Variants in SPATA16 observed in about 807,000 individuals in gnomAD.
SPATA16 encodes the protein spermatogenesis associated 16, also known as spermatogenesis-associated protein 16.
In SPATA16, 36 loss-of-function variants were observed where a neutral mutation model predicts 63.3. The ratio of observed to expected loss-of-function variants is 0.57; its 90% confidence interval spans 0.44 to 0.75. The LOEUF (loss-of-function observed/expected upper bound fraction) is 0.75, where lower values mean the gene tolerates loss of function less well. SPATA16 is among the 30% of genes least tolerant of loss of function. The probability of loss-of-function intolerance (pLI) is 0.00; values close to 1 mark genes in which losing one functional copy is unlikely to be tolerated. For synonymous variants in SPATA16, 203 were observed against 216.7 expected (o/e 0.94, Z 0.56); for missense variants, 646 against 679.3 (o/e 0.95, Z 0.54).
At chr3:173,097,691 A>T (rs1042176373) in intron 2 of SPATA16, among the ~76,000 whole-genome samples, 4 of 152,204 alleles carry the variant, frequency 2.6e-5, no homozygotes, top group Non-Finnish European at 4.4e-5. Flanking sequence ...CACGTAAGGG[A>T]TGGCTACACA....
At chr3:172,892,807 A>C (rs949699621) in intron 10 of SPATA16, among the ~76,000 whole-genome samples, 1 of 152,254 alleles carries the variant, frequency 6.6e-6, no homozygotes, top group African/African-American at 2.4e-5. Flanking sequence ...TCTTTGGTAC[A>C]GAATCTACTT....
intron 4 of SPATA16, among the ~76,000 whole-genome samples, chr3:172,988,349 G>C (rs141297035): frequency 6.0e-4 from 92 of 152,320 alleles, no homozygotes; most frequent in Non-Finnish European, 9.6e-4. Flanking sequence ...GTAGAATCAG[G>C]TTTCCTTTTC....
chr3:173,052,225 G>C (rs1476541916), intron 2 of SPATA16, among the ~76,000 whole-genome samples: 3 of 152,122 alleles, frequency 2.0e-5, no homozygotes, highest in Non-Finnish European at 2.9e-5. Context: ...TAATAGTAAA[G>C]ACTGTCTATA....
chr3:173,112,392 G>A (rs1183344891), intron 2 of SPATA16, among the ~76,000 whole-genome samples: 1 of 152,168 alleles, frequency 6.6e-6, no homozygotes, highest in African/African-American at 2.4e-5. Context: ...CTGCAGGTCT[G>A]GCAAGATCTA....
intron 4 of SPATA16, among the ~76,000 whole-genome samples, chr3:172,993,367 A>G (rs1177051392): frequency 3.3e-5 from 5 of 152,142 alleles, no homozygotes; most frequent in South Asian, 2.1e-4. Context: ...GAAAGATGTA[A>G]GGGTTTCCTT....
intron 1 of SPATA16, among the ~76,000 whole-genome samples, chr3:173,128,476 C>T (rs963527199): frequency 6.6e-6 from 1 of 152,036 alleles, no homozygotes; most frequent in Non-Finnish European, 1.5e-5. Flanking sequence ...TCCCCTGAAG[C>T]CTTCTAGGTT....
intron 10 of SPATA16, among the ~76,000 whole-genome samples, chr3:172,896,146 C>G (rs1323144841): frequency 6.6e-6 from 1 of 152,050 alleles, no homozygotes; most frequent in Non-Finnish European, 1.5e-5. Context: ...CGTGCAGGGT[C>G]TGCCAAATAT....
At chr3:173,035,407 A>G (rs1169489197) in intron 3 of SPATA16, among the ~76,000 whole-genome samples, 1 of 152,098 alleles carries the variant, frequency 6.6e-6, no homozygotes, top group Non-Finnish European at 1.5e-5. Flanking sequence ...AAGGTAGAAA[A>G]TTCAAACTGG....
chr3:172,974,071 A>G lies in SPATA16; in HGVS notation c.933+2897T>C, dbSNP rs116285894. Among the ~76,000 whole-genome samples the G allele has an allele frequency of 3.7e-3, 568 of 152,304 alleles. 3 individuals carry two copies. The highest frequency in any genetic ancestry group is 6.3e-3 in the Non-Finnish European group (426 of 68,012). On this transcript the variant is annotated intron_variant, in intron 5 of 10. Transcript: ENST00000351008. ...CTTTCTTTTCCTTGCTGGGTTGATGATATGAAAAATGTTCCTAATGCAATT... is the reference window on the plus strand; with the variant it reads ...CTTTCTTTTCCTTGCTGGGTTGATGGTATGAAAAATGTTCCTAATGCAATT...
At chr3:173,065,131 A>G (rs577082616) in intron 2 of SPATA16, among the ~76,000 whole-genome samples, 2 of 152,330 alleles carry the variant, frequency 1.3e-5, no homozygotes, top group South Asian at 4.1e-4. Flanking sequence ...AGCTTGTGAT[A>G]TGCTTCATTG....
At chr3:172,943,096 G>A in intron 6 of SPATA16, among the ~76,000 whole-genome samples, 1 of 152,046 alleles carries the variant, frequency 6.6e-6, no homozygotes, top group East Asian at 1.9e-4. Context: ...ATTGACCCTA[G>A]AATTCAGTGA....
intron 4 of SPATA16, among the ~76,000 whole-genome samples, chr3:172,986,169 A>G (rs1577119435): frequency 6.6e-6 from 1 of 152,196 alleles, no homozygotes; most frequent in East Asian, 1.9e-4. Flanking sequence ...GGAATGAAGA[A>G]GATTGTCTTA....
chr3:173,010,596 G>A (rs535297096), intron 4 of SPATA16, among the ~76,000 whole-genome samples: 2 of 152,176 alleles, frequency 1.3e-5, no homozygotes, highest in African/African-American at 4.8e-5. Flanking sequence ...AAGTACTTTC[G>A]TGCCTCTAGC....
At chr3:173,010,010 C>T (rs1735028368) in intron 4 of SPATA16, among the ~76,000 whole-genome samples, 2 of 152,204 alleles carry the variant, frequency 1.3e-5, no homozygotes, top group Non-Finnish European at 1.5e-5. Context: ...AGGCCCATGA[C>T]CAGTCTGATT....
rs79963090 is a variant in SPATA16, at chr3:172,962,397, A to G, written c.934-5573T>C. On this transcript the variant is annotated intron_variant, in intron 5 of 10. Transcript: ENST00000351008. ...ATGTTGGACTATGAGTGAGAAATCA[A>G]ATTATTTTTCTATTGTTTTAAATTT... Among the ~76,000 whole-genome samples the G allele has an allele frequency of 3.7e-3, 562 of 152,216 alleles. 4 individuals carry two copies. The highest frequency in any genetic ancestry group is 0.013 in the African/African-American group (547 of 41,534).
At chr3:172,923,793 A>G (rs1435729035) in intron 8 of SPATA16, among the ~76,000 whole-genome samples, 2 of 152,228 alleles carry the variant, frequency 1.3e-5, no homozygotes, top group Non-Finnish European at 2.9e-5. Flanking sequence ...GTGTGGTATG[A>G]AGGCACTATC....
At chr3:172,924,171 T>G in intron 8 of SPATA16, 37 bp downstream of exon 8, 1 of 1,474,490 alleles carries the variant, frequency 6.8e-7, no homozygotes, top group Non-Finnish European at 9.5e-7. Context: ...CTCTAATATT[T>G]GTACATTGGA....
chr3:173,021,722 T>TTTTTTTTA (rs1553794054), intron 3 of SPATA16, among the ~76,000 whole-genome samples: 11 of 139,720 alleles, frequency 7.9e-5, no homozygotes, highest in African/African-American at 1.0e-4. Context: ...CCCTATTACT[T>TTTTTTTTA]TTTATTTATT....
At chr3:173,122,660 A>G (rs1738109990) in intron 1 of SPATA16, among the ~76,000 whole-genome samples, 1 of 152,226 alleles carries the variant, frequency 6.6e-6, no homozygotes, top group African/African-American at 2.4e-5. Context: ...ATAATCATTT[A>G]TAGAGTTCCT....
Sources: gnomAD v4.1 joint callset for allele counts (sites outside exome capture counted in the v4.1 genomes callset) on GRCh38, gnomAD v4.1.1 for gene constraint, MANE v1.5 for transcripts, NCBI Gene and HGNC (gene_info 2026-07-23, HGNC 2026-07-21) for gene names.